RAPGEF4: variants seen among roughly 807,000 people sequenced by gnomAD.
RAPGEF4 encodes the protein RAP guanine-nucleotide-exchange factor (GEF) 4.
Under a neutral mutation model 147.9 loss-of-function variants are expected in RAPGEF4, and 66 were observed. The ratio of observed to expected loss-of-function variants is 0.45; its 90% CI spans 0.37 to 0.55. The LOEUF (loss-of-function observed/expected upper bound fraction) is 0.55. Ranked by LOEUF, RAPGEF4 falls within the 20% of genes least tolerant of loss-of-function variation. The probability of loss-of-function intolerance (pLI) is 0.00; values close to 1 mark genes in which losing one functional copy is unlikely to be tolerated. For synonymous variants in RAPGEF4, 419 were observed against 442.7 expected (o/e 0.95, Z 0.67); for missense variants, 1,071 against 1,257.3 (o/e 0.85, Z 2.24).
chr2:173,020,775 A>G, intron 23 of RAPGEF4, 60 bp downstream of exon 23: 1 of 1,372,424 alleles, frequency 7.3e-7, no homozygotes, highest in Non-Finnish European at 1.0e-6. Flanking sequence ...TCTGGAGCCT[A>G]ATTTTGCAGT....
intron 1 of RAPGEF4, among the ~76,000 whole-genome samples, chr2:172,737,266 TAGTA>T (rs1447283398): frequency 3.3e-5 from 5 of 152,152 alleles, no homozygotes; most frequent in Admixed American, 1.3e-4. Flanking sequence ...ATGCAATAAA[TAGTA>T]AGAGAATTAA....
intron 28 of RAPGEF4, 112 bp downstream of exon 28, chr2:173,036,324 C>G: frequency 1.1e-6 from 1 of 889,844 alleles, no homozygotes; most frequent in Non-Finnish European, 1.8e-6. Flanking sequence ...TCCCATCCTT[C>G]TGCCTTCTTT....
At chr2:172,911,891 C>T (rs1388264840) in intron 4 of RAPGEF4, among the ~76,000 whole-genome samples, 3 of 151,632 alleles carry the variant, frequency 2.0e-5, no homozygotes, top group African/African-American at 7.3e-5. Context: ...CTCAGCCTCC[C>T]CAGTAGCCCG....
At chr2:172,982,709 G>A (rs1253516681) in intron 10 of RAPGEF4, among the ~76,000 whole-genome samples, 3 of 152,186 alleles carry the variant, frequency 2.0e-5, no homozygotes. Context: ...GAAGAAGGAA[G>A]TGGTTTCAAC....
chr2:173,000,564 A>G (rs2105796034), intron 16 of RAPGEF4, among the ~76,000 whole-genome samples: 1 of 152,288 alleles, frequency 6.6e-6, no homozygotes, highest in East Asian at 1.9e-4. Flanking sequence ...GATGAAGTAA[A>G]TGAAGCTTAT....
chr2:173,031,434 G>A (rs779721475), intron 26 of RAPGEF4, among the ~76,000 whole-genome samples: 2 of 152,210 alleles, frequency 1.3e-5, no homozygotes, highest in Non-Finnish European at 2.9e-5. Flanking sequence ...GGGATTGCTG[G>A]AGACCTAGGG....
rs79182961 is a variant in RAPGEF4 at position 172,877,490 on chromosome 2, A to G, written c.445-40312A>G. ...TGGCACGTGTATACCTATGTAACAA[A>G]CCGTAAATTTTGCACATGTATCTCA... is the stretch of plus-strand genomic sequence containing the variant. On this transcript the variant is annotated intron_variant, in intron 4 of 30. Transcript: ENST00000397081. Among the ~76,000 whole-genome samples the G allele has an allele frequency of 6.0e-4, 91 of 152,014 alleles. 1 individual carries two copies. The East Asian group carries it at 0.015, about 25-fold the overall frequency.
chr2:172,874,098 T>C (rs978412211), intron 4 of RAPGEF4, among the ~76,000 whole-genome samples: 4 of 152,188 alleles, frequency 2.6e-5, no homozygotes, highest in Non-Finnish European at 2.9e-5. Flanking sequence ...ACACTGTTGG[T>C]GGGAGTATAA....
chr2:172,841,791 A>AACACACACACACACAC (rs3064818), intron 4 of RAPGEF4, among the ~76,000 whole-genome samples: 1 of 147,006 alleles, frequency 6.8e-6, no homozygotes, highest in Non-Finnish European at 1.5e-5. Flanking sequence ...TTGGCTGAAT[A>AACACACACACACACAC]ACACACACAC....
At chr2:172,816,400 T>G (rs1688507827) in intron 4 of RAPGEF4, among the ~76,000 whole-genome samples, 1 of 152,144 alleles carries the variant, frequency 6.6e-6, no homozygotes, top group Admixed American at 6.5e-5. Flanking sequence ...ATGGTATCTT[T>G]TTTTGCACTT....
intron 4 of RAPGEF4, among the ~76,000 whole-genome samples, chr2:172,825,055 A>G (rs1689513600): frequency 2.0e-5 from 3 of 152,238 alleles, no homozygotes; most frequent in Admixed American, 1.3e-4. Flanking sequence ...GGCCTTGGCC[A>G]TCGTGACCAT....
At chr2:172,944,177 G>T (rs930827268) in intron 6 of RAPGEF4, among the ~76,000 whole-genome samples, 6 of 152,082 alleles carry the variant, frequency 3.9e-5, no homozygotes, top group African/African-American at 1.2e-4. Context: ...ATGCACCCTT[G>T]GTAAATGCAG....
At chr2:172,882,254 C>T (rs2149858742) in intron 4 of RAPGEF4, among the ~76,000 whole-genome samples, 1 of 152,308 alleles carries the variant, frequency 6.6e-6, no homozygotes, top group East Asian at 1.9e-4. Flanking sequence ...ATATTTACTT[C>T]CTCCTCTCTT....
At chr2:172,834,842 T>A (rs1482420497) in intron 4 of RAPGEF4, among the ~76,000 whole-genome samples, 1 of 152,216 alleles carries the variant, frequency 6.6e-6, no homozygotes, top group Admixed American at 6.5e-5. Flanking sequence ...CTTGAAAGAA[T>A]TTTTTTATTA....
chr2:173,039,462 C>CAA (rs758124973), intron 29 of RAPGEF4, among the ~76,000 whole-genome samples: 4 of 120,010 alleles, frequency 3.3e-5, no homozygotes, highest in East Asian at 2.4e-4. Flanking sequence ...GACTCTGTCT[C>CAA]AAAAAAAAAA....
At chr2:172,778,802 C>T (rs1414597765) in intron 1 of RAPGEF4, among the ~76,000 whole-genome samples, 1 of 152,026 alleles carries the variant, frequency 6.6e-6, no homozygotes, top group Non-Finnish European at 1.5e-5. Flanking sequence ...CATAGGCTCA[C>T]AGGAGAAAAA....
At chr2:172,896,941 G>T (rs1270706560) in intron 4 of RAPGEF4, among the ~76,000 whole-genome samples, 1 of 152,196 alleles carries the variant, frequency 6.6e-6, no homozygotes, top group Non-Finnish European at 1.5e-5. Context: ...CTCTTGGCAT[G>T]CAGTGTTCCT....
chr2:172,790,501 G>T (rs1340442823), intron 1 of RAPGEF4, among the ~76,000 whole-genome samples: 1 of 152,114 alleles, frequency 6.6e-6, no homozygotes, highest in Non-Finnish European at 1.5e-5. Flanking sequence ...GGAGAAGAAA[G>T]GAGCCTAGAG....
At chr2:172,968,443 A>G (rs1488408552) in intron 10 of RAPGEF4, among the ~76,000 whole-genome samples, 2 of 152,046 alleles carry the variant, frequency 1.3e-5, no homozygotes, top group African/African-American at 4.8e-5. Flanking sequence ...CCTCAGACCA[A>G]CCCACAGTAG....
Sources: gnomAD v4.1 joint callset for allele counts (sites outside exome capture counted in the v4.1 genomes callset) on GRCh38, gnomAD v4.1.1 for gene constraint, MANE v1.5 for transcripts, NCBI Gene and HGNC (gene_info 2026-07-23, HGNC 2026-07-21) for gene names.